Variants in MYO1E observed in about 807,000 individuals in gnomAD.
MYO1E encodes the protein myosin IE.
A neutral mutation model predicts 151.1 loss-of-function variants in MYO1E; 68 were observed. The ratio of observed to expected loss-of-function variants is 0.45; its 90% CI spans 0.37 to 0.55. The LOEUF is 0.55. Among genes scored for constraint, MYO1E ranks in the 20% least tolerant of loss-of-function variants. The pLI is 0.00. For synonymous variants in MYO1E, 601 were observed against 501.7 expected (o/e 1.20, Z -2.64); for missense variants, 1,363 against 1,389.3 (o/e 0.98, Z 0.30).
chr15:59,210,435 A>G (rs1376338788), intron 13 of MYO1E, 79 bp downstream of exon 13: 2 of 1,066,800 alleles, frequency 1.9e-6, no homozygotes, highest in African/African-American at 3.1e-5. Flanking sequence ...TGCCTGTTCT[A>G]AAACAATGAC....
At chr15:59,370,546 C>T (rs1320429601) in intron 1 of MYO1E, among the ~76,000 whole-genome samples, 1 of 152,188 alleles carries the variant, frequency 6.6e-6, no homozygotes, top group African/African-American at 2.4e-5. Context: ...ACAACATGCC[C>T]ATCTGTGCTG....
chr15:59,282,351 C>G (rs572634264), intron 1 of MYO1E, among the ~76,000 whole-genome samples: 1 of 152,304 alleles, frequency 6.6e-6, no homozygotes, highest in African/African-American at 2.4e-5. Context: ...ACCCTCCCAG[C>G]CACAGGTGGG....
At chr15:59,276,637 G>A (rs772397222) in intron 1 of MYO1E, among the ~76,000 whole-genome samples, 5 of 152,146 alleles carry the variant, frequency 3.3e-5, no homozygotes, top group African/African-American at 9.7e-5. Context: ...AGTAGGGTAC[G>A]CCCCTATCCA....
chr15:59,143,897 T>C (rs1359420061), intron 26 of MYO1E, among the ~76,000 whole-genome samples: 3 of 152,216 alleles, frequency 2.0e-5, no homozygotes, highest in African/African-American at 7.2e-5. Flanking sequence ...TGCTTCCTCA[T>C]ACTCTGGCAA....
rs141033770 is a variant in MYO1E, at chr15:59,174,144, C to A, written c.2146G>T (p.Val716Phe). 5 of 1,613,152 alleles carry A rather than the reference C, an allele frequency of 3.1e-6. No individual in the cohort carries two copies. The highest frequency in any genetic ancestry group is 4.2e-6 in the Non-Finnish European group (5 of 1,179,200). ...WRKFVARKKY[V>F]QMREEASDLL... ...AAAATACCTTCTTCTCTCATTTGAACGTATTTCTTCCGGGCCACGAATTTC... is the reference window on the plus strand; with the variant it reads ...AAAATACCTTCTTCTCTCATTTGAAAGTATTTCTTCCGGGCCACGAATTTC... The change falls in exon 20 of 28, where the codon GTT becomes TTT. Residue 716 changes from valine (V) to phenylalanine (F), a missense_variant. By Grantham distance (50) the Val-to-Phe change is conservative (BLOSUM62 -1). Coordinates refer to ENST00000288235, the MANE Select transcript of MYO1E (RefSeq NM_004998.4).
chr15:59,265,797 A>T (rs2080249783), intron 2 of MYO1E, among the ~76,000 whole-genome samples: 1 of 147,852 alleles, frequency 6.8e-6, no homozygotes, highest in Non-Finnish European at 1.5e-5. Context: ...CTCCTTAAAA[A>T]AAAAAAAAAA....
chr15:59,189,412 CCCTTTCCCTTT>C (rs1336399099), intron 17 of MYO1E, among the ~76,000 whole-genome samples: 1 of 152,022 alleles, frequency 6.6e-6, no homozygotes, highest in African/African-American at 2.4e-5. Context: ...TTCTTTCTTT[CCCTTTCCCTTT>C]CCTTTCTTTC....
At chr15:59,221,823 G>C (rs80111880) in intron 9 of MYO1E, among the ~76,000 whole-genome samples, 74 of 152,268 alleles carry the variant, frequency 4.9e-4, no homozygotes, top group African/African-American at 1.5e-3. Flanking sequence ...CAAGCATAAA[G>C]AGGCAGTAAA....
intron 10 of MYO1E, among the ~76,000 whole-genome samples, chr15:59,216,646 G>GTGTGTGTGTGTGTGTGTGTGTT (rs2079917464): frequency 4.2e-5 from 1 of 23,914 alleles, no homozygotes; most frequent in African/African-American, 1.5e-4. Flanking sequence ...GGCCCCCAGT[G>GTGTGTGTGTGTGTGTGTGTGTT]TGTGTGTGTG....
At chr15:59,162,103 C>T (rs2079541078) in intron 23 of MYO1E, among the ~76,000 whole-genome samples, 1 of 152,182 alleles carries the variant, frequency 6.6e-6, no homozygotes, top group African/African-American at 2.4e-5. Flanking sequence ...GTGGTGCGGT[C>T]TCAGCTCACT....
intron 1 of MYO1E, among the ~76,000 whole-genome samples, chr15:59,284,460 A>G (rs1213772965): frequency 6.6e-6 from 1 of 151,430 alleles, no homozygotes; most frequent in African/African-American, 2.4e-5. Flanking sequence ...TTTTATTTTT[A>G]TTTTTTTGAG....
At chr15:59,322,027 T>C (rs777278846) in intron 1 of MYO1E, among the ~76,000 whole-genome samples, 14 of 151,416 alleles carry the variant, frequency 9.2e-5, no homozygotes, top group Non-Finnish European at 1.8e-4. Flanking sequence ...ACGAAAAAAA[T>C]AGCTGGGTGT....
intron 1 of MYO1E, among the ~76,000 whole-genome samples, chr15:59,319,529 T>C (rs938529898): frequency 3.9e-5 from 5 of 128,680 alleles, no homozygotes; most frequent in Admixed American, 1.8e-4. Context: ...GGCACCAAGA[T>C]AGGAAAAGAA....
At chr15:59,194,147 C>T (rs1253404669) in intron 17 of MYO1E, among the ~76,000 whole-genome samples, 1 of 151,378 alleles carries the variant, frequency 6.6e-6, no homozygotes, top group African/African-American at 2.4e-5. Flanking sequence ...GCACTCCAGC[C>T]TGGGTGACAG....
chr15:59,304,045 C>T (rs1453843158), intron 1 of MYO1E, among the ~76,000 whole-genome samples: 1 of 150,132 alleles, frequency 6.7e-6, no homozygotes, highest in African/African-American at 2.5e-5. Flanking sequence ...TGCAACGGCG[C>T]AATCTTGGCT....
chr15:59,275,284 T>C (rs1308208473), intron 1 of MYO1E, among the ~76,000 whole-genome samples: 4 of 152,228 alleles, frequency 2.6e-5, no homozygotes, highest in African/African-American at 7.2e-5. Context: ...TTTTTATTCA[T>C]GACCACCTCC....
At chr15:59,272,043 A>G (rs1167275251) in intron 2 of MYO1E, among the ~76,000 whole-genome samples, 3 of 152,248 alleles carry the variant, frequency 2.0e-5, no homozygotes, top group Non-Finnish European at 2.9e-5. Context: ...CGGTGAAAAC[A>G]ATGTGAGCAC....
intron 5 of MYO1E, 65 bp from the exon 6 acceptor site, chr15:59,231,856 CT>C: frequency 6.4e-7 from 1 of 1,568,018 alleles, no homozygotes; most frequent in Non-Finnish European, 8.8e-7. Context: ...GTACGCCAAA[CT>C]TTCTCTAAGG....
At chr15:59,313,769 A>T (rs34215092) in intron 1 of MYO1E, among the ~76,000 whole-genome samples, 1 of 152,150 alleles carries the variant, frequency 6.6e-6, no homozygotes, top group Non-Finnish European at 1.5e-5. Context: ...AATAGAAGGA[A>T]TCAAAGTGAA....
Sources: allele counts gnomAD v4.1 joint callset (sites outside exome capture counted in the v4.1 genomes callset), GRCh38; gene constraint gnomAD v4.1.1; transcripts MANE v1.5; gene names NCBI Gene and HGNC (gene_info 2026-07-23, HGNC 2026-07-21).